The following INSL6 variants were observed in gnomAD, a reference collection of about 807,000 sequenced individuals.
INSL6 encodes insulin like 6, also known as insulin-like peptide INSL6.
A neutral mutation model predicts 9.4 loss-of-function variants in INSL6; 16 were observed. That is an observed-to-expected ratio of 1.70 (90% CI 1.15 to 2.59). The LOEUF is 2.59. Among genes scored for constraint, INSL6 ranks in the 30% most tolerant of loss-of-function variants. INSL6 has a pLI of 0.00. For synonymous variants in INSL6, 154 were observed against 96.9 expected (o/e 1.59, Z -3.46); for missense variants, 391 against 257.3 (o/e 1.52, Z -3.56).
At chr9:5,179,232 A>C (rs1297734186) in intron 1 of INSL6, among the ~76,000 whole-genome samples, 1 of 152,200 alleles carries the variant, frequency 6.6e-6, no homozygotes, top group Non-Finnish European at 1.5e-5. Flanking sequence ...AAAAGAAGAC[A>C]TATATGTGGC....
At position 5,185,414 on chromosome 9, in the gene INSL6, C is replaced by T. The variant is rs1825550553; in HGVS notation, c.189G>A (p.Arg63=). The T allele has an allele frequency of 6.2e-7, 1 of 1,614,064 alleles. No individual in the cohort carries two copies. The highest frequency in any genetic ancestry group is 8.5e-7 in the Non-Finnish European group (1 of 1,180,044). ...FRFEEETPFS[R]LIAQASEKVE... is the part of the protein sequence containing the mutation. ...CCTTCTCCGAGGCCTGTGCAATCAA[C>T]CGTGAGAAAGGGGTTTCCTCCTCGA... is the stretch of plus-strand genomic sequence containing the variant. The change falls in exon 1 of 2, where the codon CGG becomes CGA. Residue 63 remains arginine, a synonymous_variant. Coordinates refer to ENST00000381641, the MANE Select transcript of INSL6 (RefSeq NM_007179.3).
chr9:5,160,453 T>TGAGA (rs1186098821), downstream of INSL6, among the ~76,000 whole-genome samples: 2 of 152,020 alleles, frequency 1.3e-5, no homozygotes, highest in African/African-American at 4.8e-5. Context: ...AAAGCAGTAC[T>TGAGA]GAGAGAGAAG....
chr9:5,094,385 TTATTCTAGC>T, the INSL6 span: 18 of 152,194 alleles, frequency 1.2e-4, no homozygotes, highest in African/African-American at 4.3e-4. Context: ...GGCCTCTTAT[TTATTCTAGC>T]CACATCAAGC....
chr9:5,172,171 C>G (rs779847089), intron 1 of INSL6, among the ~76,000 whole-genome samples: 6 of 152,146 alleles, frequency 3.9e-5, no homozygotes, highest in Admixed American at 6.5e-5. Flanking sequence ...TTCCAGAACT[C>G]AGAAATAAGA....
At chr9:5,170,989 A>G (rs978912689) in intron 1 of INSL6, among the ~76,000 whole-genome samples, 3 of 152,204 alleles carry the variant, frequency 2.0e-5, no homozygotes, top group African/African-American at 7.2e-5. Flanking sequence ...AACTCATTCT[A>G]TGAGGCCAGC....
At chr9:5,126,639 G>A in intron 3 of INSL6, 1 of 1,308,216 alleles carries the variant, frequency 7.6e-7, no homozygotes, top group South Asian at 1.2e-5. Context: ...ATTAAAAGAT[G>A]GCCCTTAGTG....
chr9:5,054,468 C>G, the INSL6 span: 1 of 1,041,936 alleles, frequency 9.6e-7, no homozygotes, highest in Non-Finnish European at 1.4e-6. The surrounding 1 kb of genome is among the most constrained non-coding windows in gnomAD (Gnocchi z 4.9). Context: ...CCTACTTAAT[C>G]ATGGAAAAAG....
the INSL6 span, among the ~76,000 whole-genome samples, chr9:5,040,735 C>T: frequency 8.9e-4 from 135 of 152,396 alleles, no homozygotes; most frequent in East Asian, 1.3e-3. Flanking sequence ...GGCCCCTGAG[C>T]GGGCGTCCGG....
the INSL6 span, among the ~76,000 whole-genome samples, chr9:5,038,363 T>A: frequency 1.3e-5 from 2 of 152,138 alleles, no homozygotes; most frequent in Non-Finnish European, 2.9e-5. Flanking sequence ...ATTAAAAAAA[T>A]TATTACTAGT....
At chr9:5,113,309 T>A in the INSL6 span, among the ~76,000 whole-genome samples, 1 of 143,550 alleles carries the variant, frequency 7.0e-6, no homozygotes, top group Admixed American at 7.3e-5. Context: ...GGAGAAATCG[T>A]AACATATCAC....
chr9:5,129,612 TGAGA>T (rs1824213766), intron 3 of INSL6, among the ~76,000 whole-genome samples: 1 of 152,136 alleles, frequency 6.6e-6, no homozygotes, highest in South Asian at 2.1e-4. Flanking sequence ...CTAGGTTTTA[TGAGA>T]TAAGCTTGAT....
the INSL6 span, chr9:5,111,484 G>C: frequency 2.7e-6 from 1 of 377,052 alleles, no homozygotes; most frequent in South Asian, 2.0e-5. Context: ...CAGGTGAGGA[G>C]TACGGTAGGG....
chr9:5,114,591 G>C, the INSL6 span: 1 of 491,458 alleles, frequency 2.0e-6, no homozygotes, highest in Non-Finnish European at 4.0e-6. Flanking sequence ...GGACATCTTG[G>C]TGCAGTGGCT....
At chr9:5,140,989 G>A (rs781696540) in intron 2 of INSL6, among the ~76,000 whole-genome samples, 1 of 152,120 alleles carries the variant, frequency 6.6e-6, no homozygotes, top group South Asian at 2.1e-4. Flanking sequence ...ACATTAGTTT[G>A]CTAAGGATAA....
At chr9:5,000,104 A>G in the INSL6 span, among the ~76,000 whole-genome samples, 1 of 152,080 alleles carries the variant, frequency 6.6e-6, no homozygotes, top group South Asian at 2.1e-4. Flanking sequence ...ATTAAATTGT[A>G]AGAGTTACTT....
chr9:5,108,003 G>A, the INSL6 span: 3 of 152,010 alleles, frequency 2.0e-5, no homozygotes, highest in Non-Finnish European at 4.4e-5. Context: ...GAATTAACAT[G>A]ACCATCCACA....
At chr9:5,085,913 C>A in the INSL6 span, 1 of 1,018,658 alleles carries the variant, frequency 9.8e-7, no homozygotes, top group East Asian at 2.4e-5. Context: ...TACCCTCATA[C>A]AGACCTTTCA....
the INSL6 span, chr9:5,066,624 C>G: frequency 1.0e-6 from 1 of 958,756 alleles, no homozygotes; most frequent in Non-Finnish European, 1.7e-6. Context: ...GACACTTGGT[C>G]ATAATATTAT....
chr9:5,160,195 A>C (rs1242778149), downstream of INSL6, among the ~76,000 whole-genome samples: 1 of 151,424 alleles, frequency 6.6e-6, no homozygotes, highest in Non-Finnish European at 1.5e-5. Flanking sequence ...AAAAAAAAAA[A>C]AGTTAGGCCA....
Sources: allele counts gnomAD v4.1 joint callset (sites outside exome capture counted in the v4.1 genomes callset), GRCh38; gene constraint gnomAD v4.1.1; non-coding constraint Gnocchi (gnomAD v3.1); transcripts MANE v1.5; gene names NCBI Gene and HGNC (gene_info 2026-07-23, HGNC 2026-07-21).